PRKN: variants seen among roughly 807,000 people sequenced by gnomAD.
PRKN encodes the protein parkin RBR E3 ubiquitin protein ligase, also known as E3 ubiquitin-protein ligase parkin.
A neutral mutation model predicts 59.5 loss-of-function variants in PRKN; 56 were observed. That is an observed-to-expected ratio of 0.94 (90% confidence interval 0.76 to 1.18). The LOEUF (loss-of-function observed/expected upper bound fraction) is 1.18. PRKN is among the 50% of genes most tolerant of loss of function. The pLI, the probability that PRKN is intolerant of heterozygous loss-of-function variation, is 0.00. For missense variants in PRKN, 657 were observed against 596.4 expected, an observed-to-expected ratio of 1.10 and a Z score of -1.06; for synonymous variants, 250 against 222.1, an observed-to-expected ratio of 1.13 and a Z score of -1.12.
At chr6:161,861,385 T>G (rs1013648337) in intron 6 of PRKN, among the ~76,000 whole-genome samples, 1 of 151,996 alleles carries the variant, frequency 6.6e-6, no homozygotes, top group Admixed American at 6.6e-5. Flanking sequence ...TGAGAACACA[T>G]GGACACAGGG....
At chr6:161,495,806 G>A (rs140287116) in intron 9 of PRKN, among the ~76,000 whole-genome samples, 133 of 152,252 alleles carry the variant, frequency 8.7e-4, no homozygotes, top group African/African-American at 2.7e-3. Flanking sequence ...ATCTAATTCC[G>A]TGCTCTCTTG....
At chr6:161,780,736 C>T (rs573416635) in intron 7 of PRKN, among the ~76,000 whole-genome samples, 4 of 151,986 alleles carry the variant, frequency 2.6e-5, no homozygotes, top group Non-Finnish European at 1.5e-5. Flanking sequence ...AAATAGGCTC[C>T]GAGACAGAAG....
chr6:161,864,405 A>T lies in PRKN; in HGVS notation c.735-78497T>A, dbSNP rs143477728. Among the ~76,000 whole-genome samples, 1,518 of 152,258 alleles carry T rather than the reference A, an allele frequency of 1.0e-2. 23 individuals are homozygous for T. Among genetic ancestry groups the T allele is most frequent in the African/African-American group, 0.034 (1,409 of 41,550 alleles). On this transcript the variant is annotated intron_variant, in intron 6 of 11. Coordinates refer to ENST00000366898, the MANE Select transcript of PRKN (RefSeq NM_004562.3). ...CAAGTTTGATTATGAGATTACAGCAATTCAGTCACATCTTCAGGCTCCACT... is the reference window on the plus strand; with the variant it reads ...CAAGTTTGATTATGAGATTACAGCATTTCAGTCACATCTTCAGGCTCCACT...
intron 3 of PRKN, among the ~76,000 whole-genome samples, chr6:162,202,754 A>G (rs1562577541): frequency 6.6e-6 from 1 of 152,224 alleles, no homozygotes; most frequent in Non-Finnish European, 1.5e-5. Context: ...TATCTGTAAT[A>G]TGTAAGTAAA....
intron 7 of PRKN, among the ~76,000 whole-genome samples, chr6:161,746,722 ATGTC>A (rs1240101860): frequency 1.4e-5 from 2 of 147,234 alleles, no homozygotes; most frequent in African/African-American, 5.0e-5. Flanking sequence ...ATAGATATAT[ATGTC>A]TATATCTAGA....
At chr6:162,248,175 G>T (rs1477720929) in intron 3 of PRKN, among the ~76,000 whole-genome samples, 1 of 152,136 alleles carries the variant, frequency 6.6e-6, no homozygotes, top group Non-Finnish European at 1.5e-5. Context: ...AGCCTTCCCT[G>T]GGTTCAGTTT....
chr6:161,506,736 G>A (rs4709533), intron 9 of PRKN, among the ~76,000 whole-genome samples: 121,161 of 152,004 alleles, frequency 0.8, 48,546 homozygotes, highest in Middle Eastern at 0.87. Context: ...TAATGCTAAC[G>A]GTAAAAGAGT....
In PRKN at chr6:161,349,219, A is replaced by T. The variant is rs2114822766; in HGVS notation, c.*880T>A. On this transcript the variant is annotated 3_prime_UTR_variant, in exon 12 of 12. Transcript: ENST00000366898. This position sits in a 1 kb window ranked among gnomAD's most constrained non-coding sequence, Gnocchi z 5.5. ...CCTTTATAGGCACTTTATCTATTAA[A>T]TTTACAGTGGAGCCAAATGTATTAG... is the stretch of plus-strand genomic sequence containing the variant. 4.5e-6 allele frequency: 1 copy of T among 221,300 alleles called. No homozygotes were observed. The allele number at this position is 221,300 out of a possible 1,614,324, so 13.7% of individuals were successfully genotyped here. A position where few individuals can be genotyped will look rare whatever the true frequency, so the allele number is the denominator to read the frequency against.
chr6:162,554,686 G>GA (rs1779484345), intron 1 of PRKN, among the ~76,000 whole-genome samples: 1 of 152,120 alleles, frequency 6.6e-6, no homozygotes, highest in Non-Finnish European at 1.5e-5. Context: ...GCTTTTACTA[G>GA]AGCCATGGGA....
chr6:161,975,186 C>T lies in PRKN; in HGVS notation c.619-1769G>A, dbSNP rs549360976. Among the ~76,000 whole-genome samples the T allele has an allele frequency of 6.6e-5, 10 of 150,736 alleles. No individual in the cohort carries two copies. In the South Asian group the frequency reaches 1.5e-3, roughly 22 times the overall value. On this transcript the variant is annotated intron_variant, in intron 5 of 11. Coordinates refer to ENST00000366898, the MANE Select transcript of PRKN (RefSeq NM_004562.3). The stretch of plus-strand genomic sequence containing the variant: ...CTGCAAACTCTGCCTCCTGGGCTCA[C>T]GCCATTCTCCTGCCTCAGCCTCCCG...
chr6:162,510,391 G>A lies in PRKN; in HGVS notation c.8-66918C>T, dbSNP rs950590003. Among the ~76,000 whole-genome samples, 16 of 152,118 alleles carry A rather than the reference G, an allele frequency of 1.1e-4. 1 individual carries two copies. Among genetic ancestry groups the A allele is most frequent in the Non-Finnish European group, 2.4e-4 (16 of 68,036 alleles). On this transcript the variant is annotated intron_variant, in intron 1 of 11. Coordinates refer to ENST00000366898, the MANE Select transcript of PRKN (RefSeq NM_004562.3). ...ATGATGATGGCAGGTGCTTTCTCAC[G>A]TGTGAGAGGGCGACACTCCTAGGTA...
At chr6:162,404,772 G>A (rs865953596) in intron 2 of PRKN, among the ~76,000 whole-genome samples, 3 of 152,056 alleles carry the variant, frequency 2.0e-5, no homozygotes, top group African/African-American at 7.2e-5. Flanking sequence ...GGCTGGTCTC[G>A]AACTCCTGAC....
chr6:161,741,803 G>T (rs1174374705), intron 7 of PRKN, among the ~76,000 whole-genome samples: 1 of 152,108 alleles, frequency 6.6e-6, no homozygotes, highest in Non-Finnish European at 1.5e-5. Context: ...GTTTGGCTGT[G>T]TCCCCACCCA....
In PRKN at chr6:161,571,854, T is replaced by C. The variant is rs113643014; in HGVS notation, c.872-2438A>G. On this transcript the variant is annotated intron_variant, in intron 7 of 11. Coordinates refer to ENST00000366898, the MANE Select transcript of PRKN (RefSeq NM_004562.3). ...CCATCCACTGAGGGCACTGAGGGCCTGCACAGAACAAGAAGGCAGAGAACG... is the reference window on the plus strand; with the variant it reads ...CCATCCACTGAGGGCACTGAGGGCCCGCACAGAACAAGAAGGCAGAGAACG... Among the ~76,000 whole-genome samples the C allele has an allele frequency of 7.9e-5, 12 of 152,302 alleles. 1 individual carries two copies. The highest frequency in any genetic ancestry group is 2.6e-4 in the African/African-American group (11 of 41,562).
chr6:162,082,812 A>T (rs934680048), intron 4 of PRKN, among the ~76,000 whole-genome samples: 2 of 152,106 alleles, frequency 1.3e-5, no homozygotes, highest in East Asian at 3.9e-4. Flanking sequence ...AGATGTGGGG[A>T]TGGTTGGTCA....
intron 7 of PRKN, among the ~76,000 whole-genome samples, chr6:161,688,145 G>A (rs537496074): frequency 8.5e-5 from 13 of 152,200 alleles, no homozygotes; most frequent in South Asian, 4.1e-4. Context: ...TTGCTTTTCC[G>A]TGAATTAGAC....
chr6:161,481,835 T>G lies in PRKN; in HGVS notation c.1083+67019A>C, dbSNP rs138242686. ...GAATTGGCACAATTCCTCTGTCATT[T>G]TCTTCTCTTCATATAAACTTAGTTT... On this transcript the variant is annotated intron_variant, in intron 9 of 11. Coordinates refer to ENST00000366898, the MANE Select transcript of PRKN (RefSeq NM_004562.3). Among the ~76,000 whole-genome samples the G allele has an allele frequency of 7.0e-3, 1,065 of 152,238 alleles. 14 individuals are homozygous for G. The highest frequency in any genetic ancestry group is 0.025 in the African/African-American group (1,030 of 41,534).
chr6:161,830,358 T>C (rs1792440922), intron 6 of PRKN, among the ~76,000 whole-genome samples: 3 of 151,948 alleles, frequency 2.0e-5, no homozygotes, highest in Non-Finnish European at 4.4e-5. Flanking sequence ...TTCACGCCAT[T>C]CTCCTGCCTC....
At chr6:161,970,551 T>C (rs918488419) in intron 6 of PRKN, among the ~76,000 whole-genome samples, 34 of 151,854 alleles carry the variant, frequency 2.2e-4, no homozygotes, top group Non-Finnish European at 4.7e-4. Context: ...TTTTTTTTTT[T>C]CTTGAGACGG....
Sources: gnomAD v4.1 joint callset for allele counts (sites outside exome capture counted in the v4.1 genomes callset) on GRCh38, gnomAD v4.1.1 for gene constraint, Gnocchi (gnomAD v3.1) non-coding constraint, MANE v1.5 for transcripts, NCBI Gene and HGNC (gene_info 2026-07-23, HGNC 2026-07-21) for gene names.